Variants in ANTXR1 observed in about 807,000 individuals in gnomAD.
The protein encoded by ANTXR1 is ANTXR cell adhesion molecule 1, also known as anthrax toxin receptor 1.
In ANTXR1, 19 loss-of-function variants were observed where a neutral mutation model predicts 78.1. The observed-to-expected ratio is 0.24, with a 90% CI of 0.17 to 0.36. The LOEUF (loss-of-function observed/expected upper bound fraction) is 0.36. ANTXR1 is among the 10% of genes least tolerant of loss of function. The probability of loss-of-function intolerance (pLI) is 1.00; values close to 1 mark genes in which losing one functional copy is unlikely to be tolerated. For missense variants in ANTXR1, 518 were observed against 718.6 expected (o/e 0.72, Z 3.19); for synonymous variants, 273 against 260.5 (o/e 1.05, Z -0.46).
intron 8 of ANTXR1, among the ~76,000 whole-genome samples, chr2:69,089,423 G>T: frequency 6.6e-6 from 1 of 152,198 alleles, no homozygotes; most frequent in African/African-American, 2.4e-5. Context: ...TCATTCCACA[G>T]ATTGAGAAAG....
intron 16 of ANTXR1, among the ~76,000 whole-genome samples, chr2:69,187,870 T>TA (rs1674458646): frequency 6.6e-6 from 1 of 151,826 alleles, no homozygotes; most frequent in Admixed American, 6.6e-5. Context: ...ATTACAGGCA[T>TA]AAGCCACCGC....
intron 1 of ANTXR1, among the ~76,000 whole-genome samples, chr2:69,027,290 G>A (rs191873771): frequency 1.3e-5 from 2 of 152,264 alleles, no homozygotes; most frequent in East Asian, 1.9e-4. Flanking sequence ...CAGATCGCGC[G>A]CCTCCAGGGA....
At chr2:69,174,013 G>A (rs1026446918) in intron 14 of ANTXR1, among the ~76,000 whole-genome samples, 2 of 152,188 alleles carry the variant, frequency 1.3e-5, no homozygotes, top group African/African-American at 4.8e-5. Flanking sequence ...CTTTCCTGGA[G>A]CCTAGAGCGC....
intron 17 of ANTXR1, among the ~76,000 whole-genome samples, chr2:69,203,735 C>T (rs1160345677): frequency 6.6e-6 from 1 of 151,134 alleles, no homozygotes; most frequent in East Asian, 1.9e-4. Flanking sequence ...ACACACATTC[C>T]TCCTCCTCCT....
chr2:69,044,051 C>T (rs767433052), intron 2 of ANTXR1, among the ~76,000 whole-genome samples: 2 of 152,166 alleles, frequency 1.3e-5, no homozygotes, highest in Non-Finnish European at 2.9e-5. Flanking sequence ...GAAACAAGTT[C>T]GTCCTCAGGT....
intron 7 of ANTXR1, 63 bp downstream of exon 7, chr2:69,075,721 T>C: frequency 6.9e-7 from 1 of 1,446,530 alleles, no homozygotes; most frequent in Non-Finnish European, 9.7e-7. Context: ...AAGAACATGT[T>C]CAGTCAGTGC....
intron 17 of ANTXR1, among the ~76,000 whole-genome samples, chr2:69,229,703 TTCAC>T (rs1675540755): frequency 6.6e-6 from 1 of 151,492 alleles, no homozygotes; most frequent in Non-Finnish European, 1.5e-5. Flanking sequence ...GGGTCAGACT[TTCAC>T]TCACTCAGCA....
chr2:69,244,581 C>T (rs917011599), intron 17 of ANTXR1, among the ~76,000 whole-genome samples: 4 of 152,274 alleles, frequency 2.6e-5, no homozygotes, highest in East Asian at 1.9e-4. Flanking sequence ...GGGGCACAGA[C>T]GAGGTAAATG....
intron 15 of ANTXR1, among the ~76,000 whole-genome samples, chr2:69,182,257 C>G (rs1674294215): frequency 6.6e-6 from 1 of 152,134 alleles, no homozygotes; most frequent in African/African-American, 2.4e-5. Flanking sequence ...CATGTGCTGT[C>G]CCCGCTGCCT....
intron 17 of ANTXR1, among the ~76,000 whole-genome samples, chr2:69,198,701 A>G (rs1674711669): frequency 6.6e-6 from 1 of 152,180 alleles, no homozygotes. Flanking sequence ...AGCCTCCCCT[A>G]CTTCAAGAGA....
At chr2:69,098,161 C>G (rs554257992) in intron 9 of ANTXR1, among the ~76,000 whole-genome samples, 1 of 152,214 alleles carries the variant, frequency 6.6e-6, no homozygotes, top group African/African-American at 2.4e-5. Context: ...CGCTCACTGT[C>G]TTGACTGTGG....
intron 3 of ANTXR1, among the ~76,000 whole-genome samples, chr2:69,059,347 A>C (rs1374525352): frequency 6.6e-6 from 1 of 152,224 alleles, no homozygotes; most frequent in East Asian, 1.9e-4. Flanking sequence ...ACCTTCAGCA[A>C]CCATCACTCT....
chr2:69,070,878 T>G, intron 4 of ANTXR1, 150 bp downstream of exon 4: 1 of 717,780 alleles, frequency 1.4e-6, no homozygotes, highest in Non-Finnish European at 2.5e-6. Context: ...GCTTGTACAC[T>G]GACCACTCTA....
In ANTXR1 at chr2:69,013,559, T is replaced by C; in HGVS notation, c.60T>C (p.Thr20=). 1 of 1,578,530 alleles carries C rather than the reference T, an allele frequency of 6.3e-7. No homozygotes were observed. The highest frequency in any genetic ancestry group is 2.3e-5 in the East Asian group (1 of 43,820). ...GIGFQWLSLA[T]LVLICAGQGG... ...GCTTCCAGTGGCTCTCTTTGGCCAC[T>C]CTGGTGCTCATCTGCGCCGGGCAAG... Residue 20 remains threonine, a synonymous_variant, in exon 1 of 18, where the codon ACT becomes ACC. Coordinates refer to ENST00000303714, the MANE Select transcript of ANTXR1 (RefSeq NM_032208.3). The surrounding 1 kb of genome is among the most constrained non-coding windows in gnomAD (Gnocchi z 5.0).
At chr2:69,174,695 C>T (rs1307706622) in intron 14 of ANTXR1, among the ~76,000 whole-genome samples, 2 of 151,722 alleles carry the variant, frequency 1.3e-5, no homozygotes, top group African/African-American at 4.8e-5. Flanking sequence ...CAGTCCTAAT[C>T]AGGAAGAAAG....
chr2:69,128,083 G>A (rs776438580), intron 12 of ANTXR1, among the ~76,000 whole-genome samples: 1 of 152,046 alleles, frequency 6.6e-6, no homozygotes, highest in African/African-American at 2.4e-5. Context: ...AATTAGCCTG[G>A]CATGGTGGCA....
chr2:69,102,336 G>T (rs1332875993), intron 9 of ANTXR1, among the ~76,000 whole-genome samples: 1 of 152,222 alleles, frequency 6.6e-6, no homozygotes, highest in African/African-American at 2.4e-5. Flanking sequence ...CATTGTTCAG[G>T]ACTAGCTGTG....
chr2:69,064,535 T>C (rs1670337227), intron 3 of ANTXR1, among the ~76,000 whole-genome samples: 1 of 152,136 alleles, frequency 6.6e-6, no homozygotes. Context: ...ACAGGGACCA[T>C]ACAGTGGGAG....
chr2:69,221,979 G>T (rs971244356), intron 17 of ANTXR1, among the ~76,000 whole-genome samples: 1 of 152,146 alleles, frequency 6.6e-6, no homozygotes, highest in Admixed American at 6.5e-5. Context: ...CTCCTTAGCG[G>T]GTTTCGGAAA....
Sources: gnomAD v4.1 joint callset for allele counts (sites outside exome capture counted in the v4.1 genomes callset) on GRCh38, gnomAD v4.1.1 for gene constraint, Gnocchi (gnomAD v3.1) non-coding constraint, MANE v1.5 for transcripts, NCBI Gene and HGNC (gene_info 2026-07-23, HGNC 2026-07-21) for gene names.